The following SAV1 variants were observed in gnomAD, a reference collection of about 807,000 sequenced individuals.
SAV1 encodes protein salvador homolog 1.
A neutral mutation model predicts 47.3 loss-of-function variants in SAV1; 23 were observed. The ratio of observed to expected loss-of-function variants is 0.49; its 90% CI spans 0.35 to 0.69. SAV1 has a LOEUF of 0.69. Among genes scored for constraint, SAV1 ranks in the 30% least tolerant of loss-of-function variants. The pLI is 0.01. For missense variants in SAV1, 448 were observed against 457.4 expected, an observed-to-expected ratio of 0.98 and a Z score of 0.19; for synonymous variants, 155 against 159.2, an observed-to-expected ratio of 0.97 and a Z score of 0.20.
intron 2 of SAV1, among the ~76,000 whole-genome samples, chr14:50,646,249 A>T (rs1245092773): frequency 6.6e-6 from 1 of 152,232 alleles, no homozygotes. Context: ...CAATTATTAT[A>T]ATAAAAACTG....
intron 4 of SAV1, 112 bp downstream of exon 4, chr14:50,640,638 C>A: frequency 1.2e-6 from 1 of 861,088 alleles, no homozygotes; most frequent in South Asian, 2.8e-5. Context: ...TACTTAGAAG[C>A]CGAATATTAT....
intron 2 of SAV1, among the ~76,000 whole-genome samples, chr14:50,662,040 G>A (rs765702614): frequency 3.3e-5 from 5 of 152,174 alleles, no homozygotes; most frequent in Non-Finnish European, 5.9e-5. Context: ...TCAATCTGTA[G>A]ATTACTTTGA....
chr14:50,654,549 G>C (rs1048620552), intron 2 of SAV1, among the ~76,000 whole-genome samples: 1 of 152,102 alleles, frequency 6.6e-6, no homozygotes, highest in Admixed American at 6.6e-5. Context: ...CACCATAACA[G>C]GCAGAAATGA....
chr14:50,653,737 C>A (rs139964487), intron 2 of SAV1, among the ~76,000 whole-genome samples: 1,986 of 151,924 alleles, frequency 0.013, 41 homozygotes, highest in African/African-American at 0.046. Flanking sequence ...GGCCTGGTGG[C>A]GCATACTTGT....
intron 1 of SAV1, chr14:50,667,400 G>A (rs1426083219): frequency 2.2e-6 from 1 of 455,924 alleles, no homozygotes. Context: ...GTCTGCATCC[G>A]GCAGCAGGAC....
At chr14:50,646,559 G>A (rs566337837) in intron 2 of SAV1, among the ~76,000 whole-genome samples, 3 of 151,940 alleles carry the variant, frequency 2.0e-5, no homozygotes, top group Non-Finnish European at 4.4e-5. Context: ...GGTGGCGGAC[G>A]CCTGTAATCC....
intron 2 of SAV1, among the ~76,000 whole-genome samples, chr14:50,662,087 C>G (rs750978080): frequency 1.3e-5 from 2 of 152,164 alleles, no homozygotes; most frequent in Non-Finnish European, 2.9e-5. Context: ...ATTCTTCTGA[C>G]CCATGAGCAT....
At chr14:50,639,459 A>G (rs945482750) in intron 4 of SAV1, among the ~76,000 whole-genome samples, 2 of 152,220 alleles carry the variant, frequency 1.3e-5, no homozygotes, top group Non-Finnish European at 2.9e-5. Flanking sequence ...ATTAGAATCA[A>G]CTAGAAAGCA....
intron 2 of SAV1, among the ~76,000 whole-genome samples, chr14:50,663,429 A>T (rs982560843): frequency 6.6e-6 from 1 of 152,238 alleles, no homozygotes; most frequent in Admixed American, 6.5e-5. Flanking sequence ...AGAAATAACC[A>T]AAATAAACAC....
intron 2 of SAV1, among the ~76,000 whole-genome samples, chr14:50,646,642 G>C (rs922380645): frequency 2.9e-5 from 4 of 139,140 alleles, no homozygotes; most frequent in Non-Finnish European, 4.5e-5. Context: ...CTGAGAACGC[G>C]CCATTACACT....
In SAV1 at chr14:50,668,240, G is replaced by T; in HGVS notation, c.-273C>A. 1 of 168,684 alleles carries T rather than the reference G, an allele frequency of 5.9e-6. No individual in the cohort carries two copies. Among genetic ancestry groups the T allele is most frequent in the Non-Finnish European group, 1.1e-5 (1 of 93,192 alleles). The allele number at this position is 168,684 out of a possible 1,614,324, so 10.4% of individuals were successfully genotyped here. A position where few individuals can be genotyped will look rare whatever the true frequency, so the allele number is the denominator to read the frequency against. On this transcript the variant is annotated 5_prime_UTR_variant, in exon 1 of 5. Transcript: ENST00000324679. ...GCTGCTCGGGGACGCCGTGAGGAAA[G>T]CCCAGCGACGCCGGGCCAGGGCCAG...
At chr14:50,645,731 T>TA (rs372535160) in intron 2 of SAV1, among the ~76,000 whole-genome samples, 2 of 151,792 alleles carry the variant, frequency 1.3e-5, no homozygotes, top group African/African-American at 2.4e-5. Context: ...ATTTCAGCTT[T>TA]AAAAAAAATG....
chr14:50,651,051 A>G (rs999812955), intron 2 of SAV1, among the ~76,000 whole-genome samples: 1 of 63,002 alleles, frequency 1.6e-5, no homozygotes. Context: ...AAAGAAATGG[A>G]TCTTTCAGCC....
intron 3 of SAV1, 116 bp downstream of exon 3, chr14:50,644,627 AT>A: frequency 1.0e-6 from 1 of 958,812 alleles, no homozygotes. Context: ...ATTTTGAAAT[AT>A]AAGGCTTTCA....
intron 4 of SAV1, chr14:50,637,736 A>C (rs926720943): frequency 1.4e-5 from 2 of 146,168 alleles, no homozygotes; most frequent in African/African-American, 5.2e-5. Context: ...TGCAGTGGCT[A>C]ATCACAAGCA....
intron 2 of SAV1, among the ~76,000 whole-genome samples, chr14:50,660,543 T>C (rs928153175): frequency 6.6e-6 from 1 of 152,220 alleles, no homozygotes; most frequent in African/African-American, 2.4e-5. Flanking sequence ...TTGTGATACA[T>C]GCAAAGAGTA....
chr14:50,662,912 T>C (rs1302959565), intron 2 of SAV1: 1 of 152,244 alleles, frequency 6.6e-6, no homozygotes, highest in Non-Finnish European at 1.5e-5. Context: ...AGCCATTTAT[T>C]TTTGTGAGCA....
rs116168634 is a variant in SAV1 at position 50,647,493 on chromosome 14, C to T, written c.536-2479G>A. ...GTTACTTGAGCCCAAGATTTCAGGTCTGTAGCACACTATCATCATGCCTGT... is the reference window on the plus strand; with the variant it reads ...GTTACTTGAGCCCAAGATTTCAGGTTTGTAGCACACTATCATCATGCCTGT... On this transcript the variant is annotated intron_variant, in intron 2 of 4. Transcript: ENST00000324679. Among the ~76,000 whole-genome samples, 1,047 of 152,162 alleles carry T rather than the reference C, an allele frequency of 6.9e-3. 11 individuals are homozygous for T. Among genetic ancestry groups the T allele is most frequent in the African/African-American group, 0.024 (1,014 of 41,524 alleles).
chr14:50,644,656 T>C (rs1019173501), intron 3 of SAV1, 88 bp downstream of exon 3: 4 of 1,252,058 alleles, frequency 3.2e-6, no homozygotes, highest in African/African-American at 3.0e-5. Context: ...AGCTTTAGGA[T>C]GCTATTCTCT....
Sources: gnomAD v4.1 joint callset for allele counts (sites outside exome capture counted in the v4.1 genomes callset) on GRCh38, gnomAD v4.1.1 for gene constraint, MANE v1.5 for transcripts, NCBI Gene and HGNC (gene_info 2026-07-23, HGNC 2026-07-21) for gene names.